The following CHST9 variants were observed in gnomAD, a reference collection of about 807,000 sequenced individuals.
CHST9 encodes GalNAc-4-sulfotransferase 2.
Under a neutral mutation model 44.4 loss-of-function variants are expected in CHST9, and 41 were observed. The ratio of observed to expected loss-of-function variants is 0.92; its 90% CI spans 0.72 to 1.20. The LOEUF (loss-of-function observed/expected upper bound fraction) is 1.20, where lower values mean the gene tolerates loss of function less well. CHST9 is among the 50% of genes most tolerant of loss of function. CHST9 has a pLI of 0.00. For missense variants in CHST9, 504 were observed against 516.5 expected (o/e 0.98, Z 0.23); for synonymous variants, 171 against 178.4 (o/e 0.96, Z 0.33).
chr18:26,938,504 C>A (rs541753371), intron 5 of CHST9, among the ~76,000 whole-genome samples: 18 of 152,164 alleles, frequency 1.2e-4, no homozygotes, highest in Non-Finnish European at 1.8e-4. Flanking sequence ...GAGAAACTAT[C>A]TTTAAGTCAA....
intron 2 of CHST9, among the ~76,000 whole-genome samples, chr18:27,125,824 C>A (rs1210371081): frequency 2.6e-5 from 4 of 152,144 alleles, no homozygotes; most frequent in Non-Finnish European, 5.9e-5. Context: ...ATCACAAGTA[C>A]TTTAGACAAC....
chr18:26,966,563 ATCTC>A (rs566048399), intron 4 of CHST9, among the ~76,000 whole-genome samples: 41 of 152,202 alleles, frequency 2.7e-4, no homozygotes, highest in Middle Eastern at 3.4e-3. Flanking sequence ...CTGGCTTGGA[ATCTC>A]TCTCTCTTAC....
intron 2 of CHST9, among the ~76,000 whole-genome samples, chr18:27,137,858 C>A (rs9946228): frequency 0.097 from 14,760 of 152,120 alleles, 765 homozygotes; most frequent in East Asian, 0.15. Context: ...AATAGTGCCA[C>A]TTATAAACTT....
chr18:27,016,768 T>C (rs926355692), intron 4 of CHST9, among the ~76,000 whole-genome samples: 5 of 152,236 alleles, frequency 3.3e-5, no homozygotes, highest in African/African-American at 1.2e-4. Context: ...GTTGTGTGTA[T>C]GTATACATCT....
intron 4 of CHST9, among the ~76,000 whole-genome samples, chr18:26,986,985 G>A (rs2056761244): frequency 6.6e-6 from 1 of 152,158 alleles, no homozygotes; most frequent in Non-Finnish European, 1.5e-5. Flanking sequence ...AAAAGCAACA[G>A]GATTATTAGC....
rs148911569 is a variant in CHST9, at chr18:27,183,368, T to C, written c.-97+1768A>G. ...CCTGTGAAAATAAAACATTGTGCTG[T>C]AAGTGAGTGGGAGAGAACAGATGGT... is the stretch of plus-strand genomic sequence containing the variant. On this transcript the variant is annotated intron_variant, in intron 1 of 5. Coordinates refer to ENST00000618847, the MANE Select transcript of CHST9 (RefSeq NM_031422.6). Among the ~76,000 whole-genome samples, 6 of 151,992 alleles carry C rather than the reference T, an allele frequency of 3.9e-5. No individual in the cohort carries two copies. The East Asian group carries it at 1.2e-3, about 29-fold the overall frequency.
intron 4 of CHST9, among the ~76,000 whole-genome samples, chr18:26,967,637 T>C (rs140749519): frequency 0.013 from 1,930 of 152,304 alleles, 25 homozygotes; most frequent in Non-Finnish European, 0.021. Flanking sequence ...GTTAAATTCT[T>C]AGAAGTGGAA....
Position 26,910,209 on chromosome 18 carries a change from A to G in CHST9, c.*6050T>C, listed in dbSNP as rs1232065092. 4 of 152,164 alleles carry G rather than the reference A, an allele frequency of 2.6e-5. No homozygotes were observed. The highest frequency in any genetic ancestry group is 2.6e-4 in the Admixed American group (4 of 15,276). The allele number at this position is 152,164 out of a possible 1,614,324, so 9.4% of individuals were successfully genotyped here. A position where few individuals can be genotyped will look rare whatever the true frequency, so the allele number is the denominator to read the frequency against. On this transcript the variant is annotated 3_prime_UTR_variant, in exon 6 of 6. Coordinates refer to ENST00000618847, the MANE Select transcript of CHST9 (RefSeq NM_031422.6). ...CTGGATTTCTCCCAACATCTTTGTC[A>G]TTGGTCAAAAGAGACTTCCCCAAAC...
intron 2 of CHST9, among the ~76,000 whole-genome samples, chr18:27,080,832 A>G (rs1598707059): frequency 6.6e-6 from 1 of 152,248 alleles, no homozygotes; most frequent in South Asian, 2.1e-4. Flanking sequence ...GAAATGAAAC[A>G]TAAATACCCA....
At chr18:27,008,202 G>T (rs139372957) in intron 4 of CHST9, among the ~76,000 whole-genome samples, 357 of 152,286 alleles carry the variant, frequency 2.3e-3, no homozygotes, top group Middle Eastern at 3.4e-3. Flanking sequence ...AGATATCAGA[G>T]ATAGATCTCA....
At chr18:27,152,145 G>T (rs2058664315) in intron 1 of CHST9, among the ~76,000 whole-genome samples, 1 of 152,040 alleles carries the variant, frequency 6.6e-6, no homozygotes, top group African/African-American at 2.4e-5. Context: ...CTAATTTATA[G>T]GTGCTTCCTT....
At position 26,916,122 on chromosome 18, in the gene CHST9, T is replaced by C; in HGVS notation, c.*137A>G. 1 of 708,274 alleles carries C rather than the reference T, an allele frequency of 1.4e-6. No homozygotes were observed. The highest frequency in any genetic ancestry group is 2.2e-5 in the South Asian group (1 of 45,990). 43.9% of individuals were successfully genotyped at this position (708,274 alleles called of 1,614,324 possible). ...CTTTGTGCCAATTGGTGTCATACTATTTGGTAAAAATCTACATTAAATCAA... is the reference window on the plus strand; with the variant it reads ...CTTTGTGCCAATTGGTGTCATACTACTTGGTAAAAATCTACATTAAATCAA... On this transcript the variant is annotated 3_prime_UTR_variant, in exon 6 of 6. Coordinates refer to ENST00000618847, the MANE Select transcript of CHST9 (RefSeq NM_031422.6).
intron 4 of CHST9, among the ~76,000 whole-genome samples, chr18:26,963,027 T>C (rs2056420092): frequency 6.6e-6 from 1 of 152,142 alleles, no homozygotes; most frequent in African/African-American, 2.4e-5. Context: ...GATGAGAAAA[T>C]TGAGGGTTCA....
At chr18:27,141,255 C>G (rs148639170) in intron 2 of CHST9, among the ~76,000 whole-genome samples, 1,708 of 152,156 alleles carry the variant, frequency 0.011, 26 homozygotes, top group African/African-American at 0.036. Context: ...GTCCCAGCTA[C>G]TTGGGAGGCT....
intron 3 of CHST9, among the ~76,000 whole-genome samples, chr18:27,033,168 G>A (rs771575667): frequency 6.6e-6 from 1 of 152,172 alleles, no homozygotes. Flanking sequence ...GTTGGGCAGT[G>A]AGTGTTCACT....
intron 1 of CHST9, among the ~76,000 whole-genome samples, chr18:27,174,283 T>A (rs961619985): frequency 1.3e-5 from 2 of 151,934 alleles, no homozygotes; most frequent in South Asian, 2.1e-4. Context: ...CACACTGACA[T>A]TTTTGAAGTG....
chr18:26,957,638 G>A (rs1172349386), intron 4 of CHST9, among the ~76,000 whole-genome samples: 2 of 150,514 alleles, frequency 1.3e-5, no homozygotes, highest in Non-Finnish European at 2.9e-5. Context: ...AATCATCATC[G>A]TCATAATAAA....
chr18:26,925,217 A>G (rs2055742998), intron 5 of CHST9, among the ~76,000 whole-genome samples: 1 of 152,176 alleles, frequency 6.6e-6, no homozygotes, highest in South Asian at 2.1e-4. Flanking sequence ...ACTATGAGCC[A>G]GGCAGAATCA....
intron 2 of CHST9, among the ~76,000 whole-genome samples, chr18:27,089,189 G>C (rs1448082096): frequency 1.3e-5 from 2 of 150,920 alleles, no homozygotes; most frequent in Admixed American, 6.6e-5. Flanking sequence ...TGTGCACAAC[G>C]TGCAGGTTTG....
Sources: gnomAD v4.1 joint callset for allele counts (sites outside exome capture counted in the v4.1 genomes callset) on GRCh38, gnomAD v4.1.1 for gene constraint, MANE v1.5 for transcripts, NCBI Gene and HGNC (gene_info 2026-07-23, HGNC 2026-07-21) for gene names.